ZNF577: variants seen among roughly 807,000 people sequenced by gnomAD.
The protein encoded by ZNF577 is zinc finger protein 577.
A neutral mutation model predicts 13.9 loss-of-function variants in ZNF577; 14 were observed. The observed-to-expected ratio is 1.00, with a 90% confidence interval of 0.66 to 1.57. The LOEUF (loss-of-function observed/expected upper bound fraction) is 1.57, where lower values mean the gene tolerates loss of function less well. Ranked by LOEUF, ZNF577 falls within the 40% of genes most tolerant of loss-of-function variation. The probability of loss-of-function intolerance (pLI) is 0.00; values close to 1 mark genes in which losing one functional copy is unlikely to be tolerated. For synonymous variants in ZNF577, 203 were observed against 202.9 expected, an observed-to-expected ratio of 1.00 and a Z score of 0.00; for missense variants, 555 against 579.2, an observed-to-expected ratio of 0.96 and a Z score of 0.43.
At chr19:51,834,750 C>T (rs558602662) in intron 9 of ZNF577, among the ~76,000 whole-genome samples, 1 of 152,232 alleles carries the variant, frequency 6.6e-6, no homozygotes, top group East Asian at 1.9e-4. Flanking sequence ...GTGGCAGAAT[C>T]ACGGCTCACT....
At position 51,850,194 on chromosome 19, in the gene ZNF577, T is replaced by A. The variant is rs146412884; in HGVS notation, c.284-5263A>T. Among the ~76,000 whole-genome samples, 1,051 of 152,274 alleles carry A rather than the reference T, an allele frequency of 6.9e-3. 7 individuals are homozygous for A. The highest frequency in any genetic ancestry group is 0.024 in the African/African-American group (998 of 41,550). On this transcript the variant is annotated intron_variant and NMD_transcript_variant, in intron 5 of 10. Coordinates refer to the ZNF577 transcript ENST00000638827. ...GGAGATGACCTCTAAGCCTCTGAAA[T>A]TTCCTGCTTGGGAAGAGTATCTTTG... is the stretch of plus-strand genomic sequence containing the variant.
chr19:51,877,231 C>A, intron 5 of ZNF577, 51 bp downstream of exon 5: 2 of 1,511,576 alleles, frequency 1.3e-6, no homozygotes, highest in South Asian at 1.1e-5. Context: ...CTCCGACCAG[C>A]TGGGATTTGC....
At chr19:51,812,679 A>G (rs906950457) in intron 9 of ZNF577, among the ~76,000 whole-genome samples, 1 of 152,198 alleles carries the variant, frequency 6.6e-6, no homozygotes, top group African/African-American at 2.4e-5. Context: ...TGACATCCAC[A>G]GTCTCCATAA....
At chr19:51,880,577 A>AT in intron 2 of ZNF577, 102 bp downstream of exon 2, 2 of 624,962 alleles carry the variant, frequency 3.2e-6, no homozygotes, top group Non-Finnish European at 5.6e-6. Context: ...ACAGATCCTG[A>AT]TTTTTATCAG....
intron 5 of ZNF577, among the ~76,000 whole-genome samples, chr19:51,856,322 T>A (rs1049906758): frequency 1.3e-5 from 2 of 152,222 alleles, no homozygotes; most frequent in African/African-American, 2.4e-5. Context: ...TTACTGTTTA[T>A]CAATATATAA....
At chr19:51,837,125 C>T (rs1005521526) in intron 9 of ZNF577, among the ~76,000 whole-genome samples, 80 of 151,604 alleles carry the variant, frequency 5.3e-4, no homozygotes, top group African/African-American at 1.9e-3. Flanking sequence ...CAGCAAAAGG[C>T]TGCAAACTAC....
chr19:51,832,057 T>C (rs916904795), intron 9 of ZNF577, among the ~76,000 whole-genome samples: 10 of 152,202 alleles, frequency 6.6e-5, no homozygotes, highest in East Asian at 3.9e-4. Context: ...GCACTTGTTG[T>C]AGCTTTTTGT....
intron 5 of ZNF577, among the ~76,000 whole-genome samples, chr19:51,875,613 C>T (rs572228908): frequency 6.6e-6 from 1 of 152,324 alleles, no homozygotes; most frequent in African/African-American, 2.4e-5. Context: ...TTCTGACTCT[C>T]CCACCACAAC....
chr19:51,883,154 G>A (rs747113186), intron 1 of ZNF577, among the ~76,000 whole-genome samples: 17 of 152,008 alleles, frequency 1.1e-4, no homozygotes, highest in Admixed American at 2.6e-4. Context: ...CACCACGCCC[G>A]GCTAATTTTT....
intron 5 of ZNF577, among the ~76,000 whole-genome samples, chr19:51,847,429 G>C (rs2084358496): frequency 1.3e-5 from 2 of 152,002 alleles, no homozygotes; most frequent in South Asian, 4.2e-4. Context: ...CTACTTTCAA[G>C]TGGAGCATAA....
chr19:51,816,030 A>G (rs2122466887), intron 9 of ZNF577, among the ~76,000 whole-genome samples: 1 of 151,364 alleles, frequency 6.6e-6, no homozygotes, highest in Admixed American at 6.6e-5. Context: ...CTGCACCACT[A>G]CACCCCAGAC....
At chr19:51,884,600 A>G (rs368962588) in intron 1 of ZNF577, among the ~76,000 whole-genome samples, 3 of 152,188 alleles carry the variant, frequency 2.0e-5, no homozygotes, top group African/African-American at 7.2e-5. Context: ...AAGCCTCTCT[A>G]ACAATTATAT....
chr19:51,873,228 C>A lies in ZNF577; in HGVS notation c.762G>T (p.Lys254Asn). The A allele has an allele frequency of 6.2e-7, 1 of 1,613,926 alleles. No individual in the cohort carries two copies. The highest frequency in any genetic ancestry group is 1.1e-5 in the South Asian group (1 of 91,078). ...CSKCGKAFSR[K>N]CRLNRHQRSH... is the part of the protein sequence containing the mutation. ...ATCGCTGATGTCTATTGAGCCGGCA[C>A]TTCCGGCTGAAGGCTTTTCCGCATT... The change falls in exon 6 of 6, where the codon AAG becomes AAT. Residue 254 changes from lysine to asparagine, a missense_variant. Transcript: ENST00000638348.
chr19:51,824,734 C>G lies in ZNF577; in HGVS notation c.*600-13060G>C, dbSNP rs770571869. On this transcript the variant is annotated intron_variant and NMD_transcript_variant, in intron 9 of 10. Transcript: ENST00000638827. The surrounding 1 kb of genome is among the most constrained non-coding windows in gnomAD (Gnocchi z 4.7). ...TTGGAGAGGGCCCTGACTGAGGTCC[C>G]TGACTCAGCCCAGACCAGCAACACA... 6.2e-7 allele frequency: 1 copy of G among 1,614,104 alleles called. No individual in the cohort carries two copies. Among genetic ancestry groups the G allele is most frequent in the South Asian group, 1.1e-5 (1 of 91,086 alleles).
At chr19:51,864,688 T>C (rs1479790595), downstream of ZNF577, among the ~76,000 whole-genome samples, 3 of 152,318 alleles carry the variant, frequency 2.0e-5, no homozygotes, top group Middle Eastern at 6.8e-3. Flanking sequence ...AGTTAGCTAT[T>C]AGATCTCCAA....
rs945137941 is a variant in ZNF577, at chr19:51,872,231, T to C, written c.*301A>G. On this transcript the variant is annotated 3_prime_UTR_variant, in exon 6 of 6. Coordinates refer to ENST00000638348, the MANE Select transcript of ZNF577 (RefSeq NM_001370449.1). ...TATCCATTGCCTCTACAGTTGTCTA[T>C]GTTTCTTTGGCACACGAGGCACAAT... The C allele has an allele frequency of 8.7e-5, 20 of 230,804 alleles. No homozygotes were observed. The highest frequency in any genetic ancestry group is 1.4e-4 in the Non-Finnish European group (17 of 119,220). The allele number at this position is 230,804 out of a possible 1,614,324, so 14.3% of individuals were successfully genotyped here. A position where few individuals can be genotyped will look rare whatever the true frequency, so the allele number is the denominator to read the frequency against.
chr19:51,823,685 T>C, intron 9 of ZNF577: 1 of 1,332,534 alleles, frequency 7.5e-7, no homozygotes, highest in African/African-American at 1.5e-5. Context: ...AATGAATAGT[T>C]GTATTGTAAG....
chr19:51,854,638 T>A (rs2122573452), intron 5 of ZNF577, among the ~76,000 whole-genome samples: 1 of 152,074 alleles, frequency 6.6e-6, no homozygotes, highest in South Asian at 2.1e-4. Context: ...CCAGCCTATT[T>A]GGAATTTATT....
chr19:51,805,685 C>T (rs550590933), intron 10 of ZNF577, among the ~76,000 whole-genome samples: 84 of 152,240 alleles, frequency 5.5e-4, no homozygotes, highest in Middle Eastern at 6.8e-3. Flanking sequence ...GAAGTAGCCT[C>T]GCTTGGTTGG....
Sources: allele counts gnomAD v4.1 joint callset (sites outside exome capture counted in the v4.1 genomes callset), GRCh38; gene constraint gnomAD v4.1.1; non-coding constraint Gnocchi (gnomAD v3.1); transcripts MANE v1.5; gene names NCBI Gene and HGNC (gene_info 2026-07-23, HGNC 2026-07-21).